SGCZ: variants seen among roughly 807,000 people sequenced by gnomAD.
The protein encoded by SGCZ is zeta-sarcoglycan.
In SGCZ, 40 loss-of-function variants were observed where a neutral mutation model predicts 41.3. That is an observed-to-expected ratio of 0.97 (90% CI 0.75 to 1.26). The LOEUF (loss-of-function observed/expected upper bound fraction) is 1.26, where lower values mean the gene tolerates loss of function less well. Among genes scored for constraint, SGCZ ranks in the 50% most tolerant of loss-of-function variants. The pLI, the probability that SGCZ is intolerant of heterozygous loss-of-function variation, is 0.00. For synonymous variants in SGCZ, 206 were observed against 137.5 expected (o/e 1.50, Z -3.49); for missense variants, 552 against 369.8 (o/e 1.49, Z -4.04).
chr8:14,540,190 C>G (rs1174694680), intron 2 of SGCZ, among the ~76,000 whole-genome samples: 1 of 142,080 alleles, frequency 7.0e-6, no homozygotes, highest in Non-Finnish European at 1.5e-5. Flanking sequence ...ATTTTTACTC[C>G]TGGAAAATAA....
chr8:14,130,884 G>A (rs1240932524), intron 5 of SGCZ, among the ~76,000 whole-genome samples: 2 of 152,174 alleles, frequency 1.3e-5, no homozygotes, highest in East Asian at 1.9e-4. Context: ...CAGCCAGGTA[G>A]AGAATCCAGT....
intron 2 of SGCZ, among the ~76,000 whole-genome samples, chr8:14,428,121 CACACACACACACATATAT>C (rs1409178929): frequency 3.0e-4 from 2 of 6,632 alleles, no homozygotes; most frequent in African/African-American, 6.2e-4. Flanking sequence ...CACACACACA[CACACACACACACATATAT>C]ATATATATAT....
intron 1 of SGCZ, among the ~76,000 whole-genome samples, chr8:14,736,815 T>A (rs1188752997): frequency 6.6e-6 from 1 of 152,110 alleles, no homozygotes; most frequent in African/African-American, 2.4e-5. Flanking sequence ...TTAGTTCTTT[T>A]TTTATGGCTG....
chr8:14,264,856 G>A (rs1344520449), intron 3 of SGCZ, among the ~76,000 whole-genome samples: 1 of 152,082 alleles, frequency 6.6e-6, no homozygotes, highest in Non-Finnish European at 1.5e-5. Flanking sequence ...CCAGCTACTC[G>A]GGAGGCTGAG....
chr8:14,725,865 G>T (rs2250782), intron 1 of SGCZ, among the ~76,000 whole-genome samples: 2 of 152,012 alleles, frequency 1.3e-5, no homozygotes, highest in Admixed American at 6.5e-5. Context: ...AAGATGGAAA[G>T]GCGATTACTA....
chr8:15,010,525 G>C (rs1219736084), intron 1 of SGCZ, among the ~76,000 whole-genome samples: 9 of 152,090 alleles, frequency 5.9e-5, no homozygotes, highest in Admixed American at 5.9e-4. Flanking sequence ...TCAAACTTCT[G>C]ATTAAGACAA....
At chr8:14,594,177 AAAAT>A (rs147529594) in intron 1 of SGCZ, among the ~76,000 whole-genome samples, 81,234 of 135,818 alleles carry the variant, frequency 0.6, 24,528 homozygotes, top group Middle Eastern at 0.67. Context: ...TCCATCTCAA[AAAAT>A]AAATAAATAA....
intron 7 of SGCZ, among the ~76,000 whole-genome samples, chr8:14,102,104 A>ATAT (rs58555468): frequency 1.3e-5 from 1 of 76,312 alleles, no homozygotes; most frequent in African/African-American, 6.3e-5. Context: ...ATATATATAT[A>ATAT]ATTTTTTTTT....
chr8:14,278,450 A>C (rs1800308993), intron 3 of SGCZ, among the ~76,000 whole-genome samples: 1 of 152,160 alleles, frequency 6.6e-6, no homozygotes, highest in Admixed American at 6.6e-5. Context: ...CAACAAGCAA[A>C]GTGACCTCAA....
chr8:14,814,136 T>A (rs544573649), intron 1 of SGCZ, among the ~76,000 whole-genome samples: 43 of 152,330 alleles, frequency 2.8e-4, no homozygotes, highest in African/African-American at 9.1e-4. Flanking sequence ...AAAAGCATTT[T>A]ACTTTGAGTT....
intron 3 of SGCZ, among the ~76,000 whole-genome samples, chr8:14,285,315 T>C: frequency 6.6e-6 from 1 of 152,122 alleles, no homozygotes; most frequent in African/African-American, 2.4e-5. Flanking sequence ...AGGAGCAACC[T>C]GTTTGTTTGG....
chr8:14,653,557 G>A (rs1807468909), intron 1 of SGCZ, among the ~76,000 whole-genome samples: 2 of 151,984 alleles, frequency 1.3e-5, no homozygotes, highest in Non-Finnish European at 2.9e-5. Flanking sequence ...TAATCCCTGG[G>A]TACCAAATGT....
chr8:15,160,966 C>T (rs57293507), intron 1 of SGCZ, among the ~76,000 whole-genome samples: 5,596 of 151,922 alleles, frequency 0.037, 304 homozygotes, highest in African/African-American at 0.12. Context: ...GGTGTGAGCT[C>T]ACTCCTGGGC....
intron 1 of SGCZ, among the ~76,000 whole-genome samples, chr8:14,868,816 C>A (rs761217414): frequency 9.9e-5 from 15 of 152,036 alleles, no homozygotes; most frequent in African/African-American, 3.6e-4. Flanking sequence ...AACACCTCTA[C>A]GCAAATAAAT....
chr8:14,218,858 T>C (rs1806091090), intron 4 of SGCZ, among the ~76,000 whole-genome samples: 1 of 152,130 alleles, frequency 6.6e-6, no homozygotes, highest in Non-Finnish European at 1.5e-5. Context: ...ATGAGAACCT[T>C]GGCGATGAGG....
chr8:14,299,403 C>T (rs1241225371), intron 3 of SGCZ, among the ~76,000 whole-genome samples: 1 of 151,808 alleles, frequency 6.6e-6, no homozygotes, highest in African/African-American at 2.4e-5. Context: ...ATATTCACAA[C>T]ATATATATCT....
intron 1 of SGCZ, among the ~76,000 whole-genome samples, chr8:14,981,645 T>G (rs779651297): frequency 7.9e-5 from 12 of 152,130 alleles, no homozygotes; most frequent in Non-Finnish European, 1.8e-4. Flanking sequence ...CCAACTCACA[T>G]GATGGTGTCA....
At chr8:15,184,293 C>G (rs1800266820) in intron 1 of SGCZ, among the ~76,000 whole-genome samples, 2 of 152,068 alleles carry the variant, frequency 1.3e-5, no homozygotes, top group Admixed American at 1.3e-4. Context: ...ATATTTAAAA[C>G]AAACACGGTG....
At chr8:14,944,595 C>G (rs998503630) in intron 1 of SGCZ, among the ~76,000 whole-genome samples, 1 of 151,970 alleles carries the variant, frequency 6.6e-6, no homozygotes, top group Non-Finnish European at 1.5e-5. Context: ...AACAATAGAC[C>G]AATAGATTAT....
Sources: gnomAD v4.1 joint callset for allele counts (sites outside exome capture counted in the v4.1 genomes callset) on GRCh38, gnomAD v4.1.1 for gene constraint, MANE v1.5 for transcripts, NCBI Gene and HGNC (gene_info 2026-07-23, HGNC 2026-07-21) for gene names.